ANO3: variants seen among roughly 807,000 people sequenced by gnomAD.
ANO3 encodes anoctamin-3.
In ANO3, 99 loss-of-function variants were observed where a neutral mutation model predicts 144.8. That is an observed-to-expected ratio of 0.68 (90% confidence interval 0.58 to 0.81). The LOEUF (loss-of-function observed/expected upper bound fraction) is 0.81. ANO3 is among the 30% of genes least tolerant of loss of function. The probability of loss-of-function intolerance (pLI) is 0.00; values close to 1 mark genes in which losing one functional copy is unlikely to be tolerated. For missense variants in ANO3, 905 were observed against 1,202.2 expected (o/e 0.75, Z 3.66); for synonymous variants, 414 against 392.6 (o/e 1.05, Z -0.64).
intron 18 of ANO3, among the ~76,000 whole-genome samples, chr11:26,627,091 A>T (rs1209685000): frequency 2.0e-5 from 3 of 151,624 alleles, no homozygotes; most frequent in Non-Finnish European, 4.4e-5. Flanking sequence ...TAATTATTTT[A>T]TTCTCTCGGT....
intron 4 of ANO3, among the ~76,000 whole-genome samples, chr11:26,481,562 A>G (rs769812394): frequency 3.3e-5 from 5 of 152,244 alleles, no homozygotes; most frequent in Non-Finnish European, 7.3e-5. Context: ...CTATAAAGGT[A>G]GTTTCTCCTT....
chr11:26,380,958 G>A (rs188604705), intron 1 of ANO3, among the ~76,000 whole-genome samples: 16 of 152,092 alleles, frequency 1.1e-4, no homozygotes, highest in Admixed American at 8.5e-4. Context: ...CTCCAGCCTG[G>A]GTGACAGAGC....
At chr11:26,605,924 G>T (rs1436880122) in intron 17 of ANO3, among the ~76,000 whole-genome samples, 1 of 150,868 alleles carries the variant, frequency 6.6e-6, no homozygotes, top group Non-Finnish European at 1.5e-5. Flanking sequence ...GGGTTTTCAT[G>T]TCTCTACCTC....
chr11:26,460,009 C>T (rs1039992128), intron 3 of ANO3: 19 of 388,454 alleles, frequency 4.9e-5, no homozygotes, highest in East Asian at 4.1e-4. Context: ...TTGATGGATG[C>T]GCCTCCATGA....
chr11:26,297,332 C>T lies in ANO3; in HGVS notation c.155-12313C>T, dbSNP rs116610992. Reference sequence around the variant, plus strand: ...TTAGTGAGCATTTCTGTCAGTATCACAAATAACCAGTGAGTGTCGCTGTTC... The same window carrying T: ...TTAGTGAGCATTTCTGTCAGTATCATAAATAACCAGTGAGTGTCGCTGTTC... On this transcript the variant is annotated intron_variant, in intron 1 of 27. Transcript: ENST00000672621. 6.2e-3 allele frequency among the ~76,000 whole-genome samples: 946 copies of T among 152,152 alleles called. 18 individuals carry two copies. The highest frequency in any genetic ancestry group is 0.022 in the African/African-American group (926 of 41,504).
At chr11:26,464,773 C>T (rs1182858517) in intron 4 of ANO3, among the ~76,000 whole-genome samples, 1 of 151,858 alleles carries the variant, frequency 6.6e-6, no homozygotes, top group Non-Finnish European at 1.5e-5. Flanking sequence ...ACATACCCTT[C>T]TCCTATTATA....
chr11:26,221,239 A>T (rs954264467), intron 1 of ANO3, among the ~76,000 whole-genome samples: 2 of 152,234 alleles, frequency 1.3e-5, no homozygotes, highest in Non-Finnish European at 2.9e-5. Flanking sequence ...GGAAAGTTAA[A>T]ACAGGGCACT....
intron 1 of ANO3, among the ~76,000 whole-genome samples, chr11:26,196,011 T>C (rs1851580548): frequency 6.6e-6 from 1 of 152,208 alleles, no homozygotes; most frequent in Admixed American, 6.5e-5. Context: ...ATTTATCTTA[T>C]TCTCTTGTGA....
intron 1 of ANO3, among the ~76,000 whole-genome samples, chr11:26,239,901 G>A (rs892796741): frequency 4.6e-5 from 7 of 152,142 alleles, no homozygotes; most frequent in African/African-American, 1.4e-4. Flanking sequence ...GGGAATTGTC[G>A]CTTTGCGAAG....
At chr11:26,474,001 A>C in intron 4 of ANO3, 1 of 985,194 alleles carries the variant, frequency 1.0e-6, no homozygotes, top group Non-Finnish European at 1.2e-6. Flanking sequence ...GTTAATGGAA[A>C]AAGCAGGCGG....
chr11:26,600,302 C>CCCCT (rs1565134452), intron 17 of ANO3, among the ~76,000 whole-genome samples: 1 of 63,182 alleles, frequency 1.6e-5, no homozygotes. Context: ...CCCTTTCCTC[C>CCCCT]CCTCTCCTCT....
rs573721998 is a variant in ANO3 at position 26,606,434 on chromosome 11, C to G, written c.1836+6720C>G. ...CTGGGGTGGAGAGTTCTGTTGATGT[C>G]TATTAGATCTGCATGGTCCAGAGCT... is the stretch of plus-strand genomic sequence containing the variant. On this transcript the variant is annotated intron_variant, in intron 17 of 26. Coordinates refer to ENST00000256737, the MANE Select transcript of ANO3 (RefSeq NM_031418.4). Among the ~76,000 whole-genome samples the G allele has an allele frequency of 3.9e-5, 6 of 152,244 alleles. No individual in the cohort carries two copies. In the East Asian group the frequency reaches 1.2e-3, roughly 29 times the overall value.
At chr11:26,292,735 T>A (rs1681326597) in intron 1 of ANO3, among the ~76,000 whole-genome samples, 1 of 152,194 alleles carries the variant, frequency 6.6e-6, no homozygotes, top group South Asian at 2.1e-4. Flanking sequence ...CCTGGGTATC[T>A]GGCTGCAGAA....
At chr11:26,283,193 A>G (rs77218918) in intron 1 of ANO3, among the ~76,000 whole-genome samples, 9,039 of 150,780 alleles carry the variant, frequency 0.06, 502 homozygotes, top group African/African-American at 0.14. Context: ...TTTCTTATAC[A>G]AGGTATATGA....
At chr11:26,196,383 GCAT>G (rs1851590179) in intron 1 of ANO3, among the ~76,000 whole-genome samples, 2 of 152,076 alleles carry the variant, frequency 1.3e-5, no homozygotes, top group South Asian at 4.2e-4. Flanking sequence ...GCACAACTCA[GCAT>G]TTTATAGTTC....
At chr11:26,576,976 T>C (rs987926799) in intron 14 of ANO3, among the ~76,000 whole-genome samples, 2 of 152,240 alleles carry the variant, frequency 1.3e-5, no homozygotes, top group Non-Finnish European at 2.9e-5. Context: ...TTTAGAATAT[T>C]CTTCTCAACG....
At chr11:26,258,016 G>C (rs181512375) in intron 1 of ANO3, among the ~76,000 whole-genome samples, 1 of 151,970 alleles carries the variant, frequency 6.6e-6, no homozygotes, top group East Asian at 1.9e-4. Flanking sequence ...GGGCACAGAC[G>C]GATATAACAT....
At chr11:26,348,368 A>G (rs1184284039) in intron 1 of ANO3, among the ~76,000 whole-genome samples, 1 of 152,184 alleles carries the variant, frequency 6.6e-6, no homozygotes, top group African/African-American at 2.4e-5. Context: ...AAGGCATATG[A>G]CCTTCCTTCA....
chr11:26,266,601 A>C (rs573399160), intron 1 of ANO3, among the ~76,000 whole-genome samples: 1 of 151,368 alleles, frequency 6.6e-6, no homozygotes, highest in East Asian at 2.0e-4. Flanking sequence ...ACCCCGGCTA[A>C]TTTTTGTATT....
Sources: gnomAD v4.1 joint callset for allele counts (sites outside exome capture counted in the v4.1 genomes callset) on GRCh38, gnomAD v4.1.1 for gene constraint, MANE v1.5 for transcripts, NCBI Gene and HGNC (gene_info 2026-07-23, HGNC 2026-07-21) for gene names.